APCDD1: variants seen among roughly 807,000 people sequenced by gnomAD.
APCDD1 encodes protein APCDD1.
APCDD1 carries 15 observed loss-of-function variants against 38.1 expected under a neutral mutation model. That is an observed-to-expected ratio of 0.39 (90% CI 0.26 to 0.61). The LOEUF is 0.61. APCDD1 is among the 20% of genes least tolerant of loss of function. The pLI is 0.49. For missense variants in APCDD1, 647 were observed against 696.2 expected, an observed-to-expected ratio of 0.93 and a Z score of 0.79; for synonymous variants, 261 against 279.7, an observed-to-expected ratio of 0.93 and a Z score of 0.67.
chr18:10,479,277 ATCATCTAC>A, intron 3 of APCDD1, among the ~76,000 whole-genome samples: 1 of 152,350 alleles, frequency 6.6e-6, no homozygotes, highest in East Asian at 1.9e-4. Flanking sequence ...GGAAGTTTCC[ATCATCTAC>A]TCCCATTTTT....
intron 3 of APCDD1, chr18:10,477,892 C>A (rs1017619133): frequency 3.9e-5 from 6 of 152,138 alleles, no homozygotes; most frequent in African/African-American, 1.4e-4. Context: ...TTCTTAAAGT[C>A]TTTTCTCTTA....
rs12961978 is a variant in APCDD1, at chr18:10,489,383, G to A, written c.*1345G>A. Reference sequence around the variant, plus strand: ...AAGCAAACATGGAAACCATGATCACGGCAAAGAGCCATCCTTGTATTTAAG... The same window carrying A: ...AAGCAAACATGGAAACCATGATCACAGCAAAGAGCCATCCTTGTATTTAAG... On this transcript the variant is annotated 3_prime_UTR_variant, in exon 5 of 5. Coordinates refer to ENST00000355285, the MANE Select transcript of APCDD1 (RefSeq NM_153000.5). 0.37 allele frequency: 56,852 copies of A among 152,036 alleles called. 11,309 individuals carry two copies. The highest frequency in any genetic ancestry group is 0.63 in the East Asian group (3,232 of 5,154). The allele number at this position is 152,036 out of a possible 1,614,324, so 9.4% of individuals were successfully genotyped here. A position where few individuals can be genotyped will look rare whatever the true frequency, so the allele number is the denominator to read the frequency against.
At chr18:10,464,343 C>CACACACACAG (rs1432479914) in intron 1 of APCDD1, among the ~76,000 whole-genome samples, 4 of 149,404 alleles carry the variant, frequency 2.7e-5, no homozygotes, top group East Asian at 1.9e-4. Context: ...CACACACACA[C>CACACACACAG]AGACACACAC....
intron 3 of APCDD1, among the ~76,000 whole-genome samples, chr18:10,481,345 G>T (rs1222932034): frequency 6.6e-6 from 1 of 152,200 alleles, no homozygotes; most frequent in Non-Finnish European, 1.5e-5. Context: ...GTCATACAAT[G>T]AATATCAGCC....
intron 2 of APCDD1, 28 bp downstream of exon 2, chr18:10,468,680 G>A: frequency 3.7e-6 from 6 of 1,610,842 alleles, no homozygotes; most frequent in Non-Finnish European, 5.1e-6. Flanking sequence ...GTCTGGGAGA[G>A]GCCAGAGAGC....
Position 10,485,737 on chromosome 18 carries a change from C to A in APCDD1, c.1050C>A (p.Gly350=). 6.2e-7 allele frequency: 1 copy of A among 1,613,970 alleles called. No homozygotes were observed. The part of the protein sequence containing the change: ...SIYARGRYSR[G]VLSSRVMGGT... ...ACGCCCGGGGCCGCTACAGCCGCGGCGTCCTCTCGTCCAGGGTCATGGGAG... is the reference window on the plus strand; with the variant it reads ...ACGCCCGGGGCCGCTACAGCCGCGGAGTCCTCTCGTCCAGGGTCATGGGAG... Residue 350 remains glycine, a synonymous_variant, in exon 4 of 5, where the codon GGC becomes GGA. Coordinates refer to ENST00000355285, the MANE Select transcript of APCDD1 (RefSeq NM_153000.5). The surrounding 1 kb of genome is among the most constrained non-coding windows in gnomAD (Gnocchi z 5.8).
Position 10,485,533 on chromosome 18 carries a change from C to T in APCDD1, c.846C>T (p.Pro282=), listed in dbSNP as rs749914601. The change falls in exon 4 of 5, where the codon CCC becomes CCT. Residue 282 remains proline (P), a synonymous_variant. Transcript: ENST00000355285. This position sits in a 1 kb window ranked among gnomAD's most constrained non-coding sequence, Gnocchi z 5.8. ...ACGAGCACCACCCTCCCATCCTGCC[C>T]CCAAAGGCAGACCTGACCATCGGCC... The part of the protein sequence containing the change: ...RSDEHHPPIL[P]PKADLTIGLH... The T allele has an allele frequency of 1.9e-6, 3 of 1,614,180 alleles. No individual in the cohort carries two copies. Among genetic ancestry groups the T allele is most frequent in the Admixed American group, 1.7e-5 (1 of 60,026 alleles).
At chr18:10,477,346 CAG>C (rs1295186693) in intron 3 of APCDD1, 2 of 152,186 alleles carry the variant, frequency 1.3e-5, no homozygotes, top group East Asian at 1.9e-4. Context: ...TATGAAAAAA[CAG>C]AGCTGGCAAT....
Position 10,488,116 on chromosome 18 carries a change from T to C in APCDD1, c.*78T>C. The C allele has an allele frequency of 6.5e-7, 1 of 1,543,756 alleles. No individual in the cohort carries two copies. On this transcript the variant is annotated 3_prime_UTR_variant, in exon 5 of 5. Coordinates refer to ENST00000355285, the MANE Select transcript of APCDD1 (RefSeq NM_153000.5). Reference sequence around the variant, plus strand: ...TTTGCTTTACCAAAAGAAAAGACATTTATTCTTTTGATGCACTTGAATGCC... The same window carrying C: ...TTTGCTTTACCAAAAGAAAAGACATCTATTCTTTTGATGCACTTGAATGCC...
intron 1 of APCDD1, among the ~76,000 whole-genome samples, chr18:10,459,139 G>A (rs2030462176): frequency 1.3e-5 from 2 of 152,208 alleles, no homozygotes; most frequent in African/African-American, 2.4e-5. Flanking sequence ...TATGTGCCAA[G>A]TGCCACCACT....
rs779292945 is a variant in APCDD1, at chr18:10,485,555, G to A, written c.868G>A (p.Gly290Ser). Reference protein sequence around the residue: ...ILPPKADLTIGLHGEWVSQRC... With the variant: ...ILPPKADLTISLHGEWVSQRC... ...GCCCCCAAAGGCAGACCTGACCATC[G>A]GCCTGCACGGGGAGTGGGTGAGCCA... Residue 290 changes from glycine (G) to serine (S), a missense_variant, in exon 4 of 5, where the codon GGC (glycine) becomes AGC (serine). By Grantham distance (56) the Gly-to-Ser change is moderately conservative. Coordinates refer to ENST00000355285, the MANE Select transcript of APCDD1 (RefSeq NM_153000.5). The surrounding 1 kb of genome is among the most constrained non-coding windows in gnomAD (Gnocchi z 5.8). 9.9e-6 allele frequency: 16 copies of A among 1,614,092 alleles called. No homozygotes were observed. In the East Asian group the frequency reaches 1.1e-4, roughly 11 times the overall value.
intron 3 of APCDD1, among the ~76,000 whole-genome samples, chr18:10,480,004 T>G (rs1312030107): frequency 6.6e-6 from 1 of 152,208 alleles, no homozygotes; most frequent in Non-Finnish European, 1.5e-5. Context: ...GATGAAAGCT[T>G]TTTATAGTGT....
chr18:10,463,331 A>G (rs2030619510), intron 1 of APCDD1, among the ~76,000 whole-genome samples: 2 of 152,050 alleles, frequency 1.3e-5, no homozygotes, highest in Admixed American at 1.3e-4. Flanking sequence ...TGTAGATGCT[A>G]TGTCCAGAAC....
intron 3 of APCDD1, among the ~76,000 whole-genome samples, chr18:10,481,244 A>G (rs2031129741): frequency 6.6e-6 from 1 of 152,264 alleles, no homozygotes; most frequent in South Asian, 2.1e-4. Context: ...TTGAACAAAC[A>G]TGGTCCTAGC....
rs957457293 is a variant in APCDD1, at chr18:10,485,896, G to T, written c.1096+113G>T. The T allele has an allele frequency of 1.7e-6, 2 of 1,199,374 alleles. No homozygotes were observed. The highest frequency in any genetic ancestry group is 2.1e-4 in the Middle Eastern group (1 of 4,742). 74.3% of individuals were successfully genotyped at this position (1,199,374 alleles called of 1,614,324 possible). On this transcript the variant is annotated intron_variant, in intron 4 of 4. Transcript: ENST00000355285. This position sits in a 1 kb window ranked among gnomAD's most constrained non-coding sequence, Gnocchi z 5.8. Reference sequence around the variant, plus strand: ...CTTTTCTGCCTGAGTTCCCAGGAAAGAAATTGGGGAGTCATTTCTGCCTCA... The same window carrying T: ...CTTTTCTGCCTGAGTTCCCAGGAAATAAATTGGGGAGTCATTTCTGCCTCA...
rs2030883304 is a variant in APCDD1 at position 10,472,344 on chromosome 18, A to G, written c.774+283A>G. ...GTGGCATGGGATGATGGTTCTAGAA[A>G]ATTCCTAAGGCTCCTTTCAGCTCTC... is the stretch of plus-strand genomic sequence containing the variant. On this transcript the variant is annotated intron_variant, in intron 3 of 4. Coordinates refer to ENST00000355285, the MANE Select transcript of APCDD1 (RefSeq NM_153000.5). This position sits in a 1 kb window ranked among gnomAD's most constrained non-coding sequence, Gnocchi z 6.6. 6.6e-6 allele frequency among the ~76,000 whole-genome samples: 1 copy of G among 152,072 alleles called. No homozygotes were observed. Among genetic ancestry groups the G allele is most frequent in the African/African-American group, 2.4e-5 (1 of 41,402 alleles).
At chr18:10,486,851 A>G (rs189253449) in intron 4 of APCDD1, among the ~76,000 whole-genome samples, 1 of 152,324 alleles carries the variant, frequency 6.6e-6, no homozygotes, top group Non-Finnish European at 1.5e-5. Context: ...GTTAACCCAG[A>G]AAGTCCTGGA....
chr18:10,459,463 C>T (rs1424634776), intron 1 of APCDD1, among the ~76,000 whole-genome samples: 1 of 152,182 alleles, frequency 6.6e-6, no homozygotes, highest in Non-Finnish European at 1.5e-5. Context: ...TAAAGTGGCA[C>T]AGAAAAGTAA....
At chr18:10,456,320 C>G (rs1462897872) in intron 1 of APCDD1, among the ~76,000 whole-genome samples, 1 of 152,138 alleles carries the variant, frequency 6.6e-6, no homozygotes, top group African/African-American at 2.4e-5. Context: ...GGTTGGACTC[C>G]TAGGCCCATC....
Sources: allele counts gnomAD v4.1 joint callset (sites outside exome capture counted in the v4.1 genomes callset), GRCh38; gene constraint gnomAD v4.1.1; non-coding constraint Gnocchi (gnomAD v3.1); transcripts MANE v1.5; gene names NCBI Gene and HGNC (gene_info 2026-07-23, HGNC 2026-07-21).